Variants in SEC11A observed in about 807,000 individuals in gnomAD.
The protein encoded by SEC11A is signal peptidase complex catalytic subunit SEC11A.
In SEC11A, 14 loss-of-function variants were observed where a neutral mutation model predicts 25.6. The ratio of observed to expected loss-of-function variants is 0.55; its 90% CI spans 0.36 to 0.85. The LOEUF (loss-of-function observed/expected upper bound fraction) is 0.85. Among genes scored for constraint, SEC11A ranks in the 40% least tolerant of loss-of-function variants. The probability of loss-of-function intolerance (pLI) is 0.01; values close to 1 mark genes in which losing one functional copy is unlikely to be tolerated. For missense variants in SEC11A, 153 were observed against 222.9 expected (o/e 0.69, Z 2.00); for synonymous variants, 83 against 76.4 (o/e 1.09, Z -0.45).
intron 4 of SEC11A, chr15:84,679,983 G>T (rs551745121): frequency 2.0e-6 from 3 of 1,507,998 alleles, no homozygotes; most frequent in Non-Finnish European, 2.7e-6. Flanking sequence ...AAACAAACAG[G>T]CTTAATATAA....
At chr15:84,690,465 A>C (rs1020918064) in intron 2 of SEC11A, among the ~76,000 whole-genome samples, 3 of 152,106 alleles carry the variant, frequency 2.0e-5, no homozygotes, top group Non-Finnish European at 4.4e-5. Context: ...AAAAATTAAA[A>C]AATTAACCAG....
intron 4 of SEC11A, chr15:84,679,401 A>G (rs1897226322): frequency 2.7e-6 from 1 of 375,790 alleles, no homozygotes; most frequent in South Asian, 2.0e-5. Flanking sequence ...AAGCACAATG[A>G]TACCTGTTCT....
Position 84,699,824 on chromosome 15 carries a change from C to T in SEC11A, c.52-8180G>A, listed in dbSNP as rs141967866. ...AAAAAGAACTGGGAGTTCAGGGAGG[C>T]AAAAGCAATGATCAGTGCATGCATG... On this transcript the variant is annotated intron_variant, in intron 1 of 5. Transcript: ENST00000268220. 4.0e-3 allele frequency among the ~76,000 whole-genome samples: 610 copies of T among 151,924 alleles called. 12 individuals are homozygous for T. Among genetic ancestry groups the T allele is most frequent in the African/African-American group, 0.014 (580 of 41,284 alleles).
At chr15:84,714,792 T>C (rs1898404969) in intron 1 of SEC11A, 2 of 152,238 alleles carry the variant, frequency 1.3e-5, no homozygotes, top group South Asian at 4.1e-4. Flanking sequence ...TGTTTTGCCT[T>C]AGTCCTTTTC....
intron 4 of SEC11A, among the ~76,000 whole-genome samples, chr15:84,678,127 G>A (rs1386262932): frequency 6.6e-6 from 1 of 151,156 alleles, no homozygotes; most frequent in Non-Finnish European, 1.5e-5. Context: ...AACCTGAGAG[G>A]CAGAGGTTGC....
At chr15:84,685,393 G>A (rs1302333448) in intron 3 of SEC11A, among the ~76,000 whole-genome samples, 1 of 151,196 alleles carries the variant, frequency 6.6e-6, no homozygotes, top group African/African-American at 2.4e-5. Flanking sequence ...GAGCAGCTGG[G>A]ACTACAAGTG....
rs1897246045 is a variant in SEC11A at position 84,680,083 on chromosome 15, T to C, written c.431+630A>G. On this transcript the variant is annotated intron_variant, in intron 4 of 5. Coordinates refer to ENST00000268220, the MANE Select transcript of SEC11A (RefSeq NM_014300.4). Reference sequence around the variant, plus strand: ...ATAAAACTAATTTGGATGAACACTTTTGAGTTATTGACTTAGTACTTCTTA... The same window carrying C: ...ATAAAACTAATTTGGATGAACACTTCTGAGTTATTGACTTAGTACTTCTTA... The C allele has an allele frequency of 4.7e-6, 3 of 637,598 alleles. No homozygotes were observed. The African/African-American group carries it at 5.5e-5, about 12-fold the overall frequency. The allele number at this position is 637,598 out of a possible 1,614,324, so 39.5% of individuals were successfully genotyped here. A position where few individuals can be genotyped will look rare whatever the true frequency, so the allele number is the denominator to read the frequency against.
intron 5 of SEC11A, chr15:84,670,285 C>T (rs562200033): frequency 5.4e-6 from 2 of 370,298 alleles, no homozygotes; most frequent in South Asian, 6.5e-5. Context: ...GAGACAGTCT[C>T]ACTTTGTCAC....
chr15:84,715,820 C>T (rs1239144726), intron 1 of SEC11A, among the ~76,000 whole-genome samples: 4 of 152,200 alleles, frequency 2.6e-5, no homozygotes, highest in African/African-American at 9.7e-5. Context: ...CCGCCCCGCC[C>T]CCGGTAGGCC....
intron 4 of SEC11A, chr15:84,673,167 C>T (rs983758798): frequency 3.3e-4 from 48 of 145,988 alleles, no homozygotes; most frequent in South Asian, 2.3e-3. Context: ...CCGCCCCGTC[C>T]GGGAGGTGAG....
At chr15:84,686,865 A>ATTATTTAT (rs971906075) in intron 3 of SEC11A, 1 of 150,826 alleles carries the variant, frequency 6.6e-6, no homozygotes, top group African/African-American at 2.4e-5. Flanking sequence ...CGCCCAGCTA[A>ATTATTTAT]TTATTTATTT....
chr15:84,715,299 A>T (rs1185719505), intron 1 of SEC11A, among the ~76,000 whole-genome samples: 1 of 152,238 alleles, frequency 6.6e-6, no homozygotes, highest in Non-Finnish European at 1.5e-5. Context: ...TTTTCTAAGG[A>T]CTAAATAATT....
intron 4 of SEC11A, among the ~76,000 whole-genome samples, chr15:84,674,827 T>C (rs889840831): frequency 1.3e-5 from 2 of 152,206 alleles, no homozygotes; most frequent in African/African-American, 2.4e-5. Flanking sequence ...CTTAAAGTGC[T>C]GAGATTACAA....
intron 1 of SEC11A, 127 bp downstream of exon 1, chr15:84,715,898 A>C: frequency 1.2e-6 from 1 of 852,942 alleles, no homozygotes; most frequent in Non-Finnish European, 1.9e-6. Context: ...CTCCAAAGAA[A>C]GCGAATGACC....
chr15:84,671,294 G>C (rs1024451578), intron 4 of SEC11A: 3 of 152,164 alleles, frequency 2.0e-5, no homozygotes, highest in Admixed American at 2.0e-4. Context: ...CTATTAACTT[G>C]AAACTTTTCT....
intron 4 of SEC11A, among the ~76,000 whole-genome samples, chr15:84,678,511 C>G (rs1596069578): frequency 6.6e-6 from 1 of 152,128 alleles, no homozygotes; most frequent in African/African-American, 2.4e-5. Flanking sequence ...TCTATATGTT[C>G]TATCCATAGG....
chr15:84,698,201 G>A (rs184967269), intron 1 of SEC11A, among the ~76,000 whole-genome samples: 88 of 152,238 alleles, frequency 5.8e-4, no homozygotes, highest in African/African-American at 2.0e-3. Flanking sequence ...CCATCTAGAA[G>A]CTACATCCTG....
chr15:84,687,825 G>A, intron 2 of SEC11A, 51 bp from the exon 3 acceptor site: 1 of 1,471,576 alleles, frequency 6.8e-7, no homozygotes, highest in South Asian at 1.3e-5. Context: ...GAGATTAAAT[G>A]TACTTTCAAA....
intron 4 of SEC11A, chr15:84,679,118 C>A: frequency 3.0e-6 from 1 of 332,220 alleles, no homozygotes; most frequent in South Asian, 3.0e-5. Flanking sequence ...CAAGAAGTGA[C>A]TTTGCTTTTT....
Sources: gnomAD v4.1 joint callset for allele counts (sites outside exome capture counted in the v4.1 genomes callset) on GRCh38, gnomAD v4.1.1 for gene constraint, MANE v1.5 for transcripts, NCBI Gene and HGNC (gene_info 2026-07-23, HGNC 2026-07-21) for gene names.